ADAM12: variants seen among roughly 807,000 people sequenced by gnomAD.
The protein encoded by ADAM12 is ADAM metallopeptidase domain 12.
A neutral mutation model predicts 106.4 loss-of-function variants in ADAM12; 70 were observed. That is an observed-to-expected ratio of 0.66 (90% CI 0.54 to 0.80). ADAM12 has a LOEUF of 0.80. ADAM12 is among the 30% of genes least tolerant of loss of function. The pLI is 0.00. For missense variants in ADAM12, 1,010 were observed against 1,171.9 expected, an observed-to-expected ratio of 0.86 and a Z score of 2.02; for synonymous variants, 420 against 433.5, an observed-to-expected ratio of 0.97 and a Z score of 0.39.
chr10:126,042,072 T>A, intron 18 of ADAM12: 1 of 1,586,948 alleles, frequency 6.3e-7, no homozygotes, highest in Non-Finnish European at 8.6e-7. Context: ...CAGGAGGCCT[T>A]GGGGACGCGT....
intron 22 of ADAM12, among the ~76,000 whole-genome samples, chr10:126,018,754 T>A (rs1036202881): frequency 6.6e-6 from 1 of 152,174 alleles, no homozygotes; most frequent in Non-Finnish European, 1.5e-5. Flanking sequence ...GATTGAGGTC[T>A]CTGCCTTCCT....
At chr10:126,333,940 C>T (rs919899184) in intron 1 of ADAM12, among the ~76,000 whole-genome samples, 6 of 152,146 alleles carry the variant, frequency 3.9e-5, no homozygotes, top group Admixed American at 2.0e-4. Context: ...TTGCTGAGTA[C>T]GGTATGTATT....
chr10:126,109,181 C>T (rs926341978), intron 7 of ADAM12, among the ~76,000 whole-genome samples: 26 of 152,170 alleles, frequency 1.7e-4, no homozygotes, highest in Non-Finnish European at 3.4e-4. Flanking sequence ...AATAGTCAAG[C>T]CTGTTTCATT....
intron 1 of ADAM12, among the ~76,000 whole-genome samples, chr10:126,370,376 G>GT (rs2133918908): frequency 6.6e-6 from 1 of 152,320 alleles, no homozygotes; most frequent in Non-Finnish European, 1.5e-5. Context: ...ATAGGTAGCA[G>GT]TTATTAGGTT....
At chr10:126,154,262 C>G (rs1049625644) in intron 4 of ADAM12, among the ~76,000 whole-genome samples, 7 of 152,192 alleles carry the variant, frequency 4.6e-5, no homozygotes, top group African/African-American at 1.7e-4. Flanking sequence ...TTTGCTGACT[C>G]TCTTTTGAGC....
At chr10:126,248,689 T>TATGTATG (rs1565166058) in intron 3 of ADAM12, among the ~76,000 whole-genome samples, 47 of 38,540 alleles carry the variant, frequency 1.2e-3, no homozygotes, top group East Asian at 4.9e-3. Flanking sequence ...ATGTATGTAT[T>TATGTATG]TATTTATTTA....
intron 3 of ADAM12, among the ~76,000 whole-genome samples, chr10:126,156,641 C>T (rs1025562685): frequency 2.6e-5 from 4 of 152,218 alleles, no homozygotes; most frequent in African/African-American, 9.6e-5. Context: ...ACCTGGACAT[C>T]CTCCAGCAGT....
At chr10:126,137,720 A>G (rs1956432448) in intron 4 of ADAM12, among the ~76,000 whole-genome samples, 1 of 152,238 alleles carries the variant, frequency 6.6e-6, no homozygotes, top group African/African-American at 2.4e-5. Context: ...TTAGAATGTC[A>G]TTCCTTTTCT....
intron 3 of ADAM12, among the ~76,000 whole-genome samples, chr10:126,160,677 A>G (rs903023812): frequency 2.0e-5 from 3 of 152,158 alleles, no homozygotes; most frequent in Non-Finnish European, 4.4e-5. Context: ...CTTGGAGATC[A>G]TGCTGCTGTC....
At chr10:126,055,994 G>A (rs1034653466) in intron 14 of ADAM12, among the ~76,000 whole-genome samples, 3 of 152,134 alleles carry the variant, frequency 2.0e-5, no homozygotes, top group African/African-American at 7.2e-5. Context: ...TGAAAAATTC[G>A]GAGTAGAATG....
intron 1 of ADAM12, among the ~76,000 whole-genome samples, chr10:126,346,580 T>TA (rs1347876621): frequency 1.7e-4 from 26 of 152,342 alleles, no homozygotes; most frequent in African/African-American, 6.3e-4. Context: ...ATATCCTTTT[T>TA]AACTTTCTGT....
At chr10:126,276,877 CA>C (rs1405458695) in intron 3 of ADAM12, among the ~76,000 whole-genome samples, 6 of 152,170 alleles carry the variant, frequency 3.9e-5, no homozygotes, top group African/African-American at 1.4e-4. Context: ...TACTCTCTAG[CA>C]GTCAACGTGT....
At chr10:126,243,489 A>ATGTGTGTG (rs57227903) in intron 3 of ADAM12, among the ~76,000 whole-genome samples, 24,684 of 146,778 alleles carry the variant, frequency 0.17, 2,172 homozygotes, top group Admixed American at 0.23. Flanking sequence ...GTGTGAGTGT[A>ATGTGTGTG]TGTGTGTGTG....
chr10:126,366,889 A>G (rs114822432), intron 1 of ADAM12, among the ~76,000 whole-genome samples: 3 of 152,284 alleles, frequency 2.0e-5, no homozygotes, highest in African/African-American at 7.2e-5. Flanking sequence ...TAACAATCCT[A>G]GATGTGTATA....
intron 1 of ADAM12, among the ~76,000 whole-genome samples, chr10:126,337,800 C>A (rs557402581): frequency 6.6e-6 from 1 of 152,294 alleles, no homozygotes; most frequent in African/African-American, 2.4e-5. Flanking sequence ...AGAAATACAC[C>A]AAAATGCTCT....
chr10:126,195,735 T>C (rs1957585598), intron 3 of ADAM12, among the ~76,000 whole-genome samples: 1 of 152,232 alleles, frequency 6.6e-6, no homozygotes, highest in South Asian at 2.1e-4. Context: ...GCATTATGTA[T>C]CAATCTTAAA....
At chr10:126,201,349 G>A (rs563085597) in intron 3 of ADAM12, among the ~76,000 whole-genome samples, 3 of 152,200 alleles carry the variant, frequency 2.0e-5, no homozygotes, top group East Asian at 1.9e-4. Context: ...GCCATGAGAC[G>A]AAACAGAGAT....
At chr10:126,297,135 C>T (rs1960418079) in intron 2 of ADAM12, among the ~76,000 whole-genome samples, 1 of 152,196 alleles carries the variant, frequency 6.6e-6, no homozygotes, top group Non-Finnish European at 1.5e-5. Context: ...AACAATTCCA[C>T]TTCTAAGAAG....
At chr10:126,037,339 G>A (rs1273086302) in intron 20 of ADAM12, among the ~76,000 whole-genome samples, 2 of 143,684 alleles carry the variant, frequency 1.4e-5, no homozygotes, top group Non-Finnish European at 3.0e-5. Flanking sequence ...AAATGAAGAT[G>A]TGCTTTTGGC....
Sources: allele counts gnomAD v4.1 joint callset (sites outside exome capture counted in the v4.1 genomes callset), GRCh38; gene constraint gnomAD v4.1.1; transcripts MANE v1.5; gene names NCBI Gene and HGNC (gene_info 2026-07-23, HGNC 2026-07-21).